The following EPB41 variants were observed in gnomAD, a reference collection of about 807,000 sequenced individuals.
The protein encoded by EPB41 is erythrocyte membrane protein band 4.1.
A neutral mutation model predicts 108.0 loss-of-function variants in EPB41; 65 were observed. That is an observed-to-expected ratio of 0.60 (90% CI 0.49 to 0.74). The LOEUF (loss-of-function observed/expected upper bound fraction) is 0.74, where lower values mean the gene tolerates loss of function less well. Among genes scored for constraint, EPB41 ranks in the 30% least tolerant of loss-of-function variants. The pLI is 0.00. For synonymous variants in EPB41, 336 were observed against 358.9 expected, an observed-to-expected ratio of 0.94 and a Z score of 0.72; for missense variants, 875 against 1,037.0, an observed-to-expected ratio of 0.84 and a Z score of 2.15.
chr1:28,967,810 CTTT>C (rs1278947795), intron 1 of EPB41, among the ~76,000 whole-genome samples: 2 of 121,166 alleles, frequency 1.7e-5, no homozygotes, highest in Non-Finnish European at 1.8e-5. Context: ...TGGGCCTTGT[CTTT>C]TTTTTTTTTT....
At chr1:28,978,603 G>A (rs866029565) in intron 1 of EPB41, among the ~76,000 whole-genome samples, 11 of 151,426 alleles carry the variant, frequency 7.3e-5, no homozygotes, top group Admixed American at 3.3e-4. Flanking sequence ...ATATTCTTTG[G>A]GGTATGTCTG....
chr1:29,033,296 A>C, intron 9 of EPB41, 51 bp downstream of exon 9: 9 of 1,592,750 alleles, frequency 5.7e-6, no homozygotes, highest in Non-Finnish European at 7.7e-6. Flanking sequence ...TCTGTATCTG[A>C]AATATCTACA....
In EPB41 at chr1:29,098,481, C is replaced by T. The variant is rs187942648; in HGVS notation, c.2313+546C>T. On this transcript the variant is annotated intron_variant, in intron 17 of 20. Coordinates refer to ENST00000343067, the MANE Select transcript of EPB41 (RefSeq NM_001376013.1). The stretch of plus-strand genomic sequence containing the variant: ...AAGTGCTGAGATTATAGGCGTGAGC[C>T]ACCACGCCTGGCCTAAATTTTTTTT... Among the ~76,000 whole-genome samples the T allele has an allele frequency of 4.0e-3, 608 of 152,158 alleles. 5 individuals are homozygous for T. The highest frequency in any genetic ancestry group is 0.014 in the African/African-American group (566 of 41,528).
intron 7 of EPB41, among the ~76,000 whole-genome samples, chr1:29,023,516 C>T (rs529060553): frequency 4.1e-4 from 62 of 151,104 alleles, no homozygotes; most frequent in Admixed American, 2.6e-4. Context: ...GGAGAAACCC[C>T]ATCTCTACTA....
In EPB41 at chr1:29,115,029, C is replaced by T. The variant is rs1404578873; in HGVS notation, c.2497-670C>T. ...TGCTGAACACAGATGTTGTTTTGTC[C>T]TTTAGATTCACATCTTGAGTGAATC... On this transcript the variant is annotated intron_variant, in intron 19 of 20. Transcript: ENST00000343067. This position sits in a 1 kb window ranked among gnomAD's most constrained non-coding sequence, Gnocchi z 4.4. Among the ~76,000 whole-genome samples, 2 of 152,040 alleles carry T rather than the reference C, an allele frequency of 1.3e-5. No homozygotes were observed. Among genetic ancestry groups the T allele is most frequent in the African/African-American group, 4.8e-5 (2 of 41,388 alleles).
intron 14 of EPB41, among the ~76,000 whole-genome samples, chr1:29,060,124 C>T (rs2150926440): frequency 6.6e-6 from 1 of 152,216 alleles, no homozygotes; most frequent in Admixed American, 6.5e-5. Context: ...TCAAACAGTT[C>T]AATTTCAAAA....
intron 2 of EPB41, among the ~76,000 whole-genome samples, chr1:28,988,704 A>T (rs975228594): frequency 1.3e-5 from 2 of 152,106 alleles, no homozygotes; most frequent in Non-Finnish European, 2.9e-5. Flanking sequence ...TTGGAAACTT[A>T]CTTTTTAAAC....
At chr1:29,111,152 G>A (rs1386736463) in intron 18 of EPB41, among the ~76,000 whole-genome samples, 1 of 148,900 alleles carries the variant, frequency 6.7e-6, no homozygotes, top group Non-Finnish European at 1.5e-5. Context: ...GAGCAACAGA[G>A]CAAGACTCCA....
chr1:29,111,631 C>A (rs555377403), intron 18 of EPB41, among the ~76,000 whole-genome samples: 1 of 150,954 alleles, frequency 6.6e-6, no homozygotes, highest in Non-Finnish European at 1.5e-5. Context: ...CCAGCCTGGG[C>A]GACAGAGCAA....
chr1:29,106,564 A>AATTTT (rs1233211329), intron 17 of EPB41, among the ~76,000 whole-genome samples: 11 of 50,896 alleles, frequency 2.2e-4, no homozygotes, highest in African/African-American at 4.2e-4. Context: ...AGTAGCTGGG[A>AATTTT]TTTTTTTTTT....
At chr1:28,965,939 G>A (rs962185130) in intron 1 of EPB41, among the ~76,000 whole-genome samples, 1 of 152,066 alleles carries the variant, frequency 6.6e-6, no homozygotes, top group African/African-American at 2.4e-5. Flanking sequence ...CCCCAGCACT[G>A]TGGGAGGCTG....
intron 7 of EPB41, among the ~76,000 whole-genome samples, chr1:29,019,996 A>G (rs1192166798): frequency 6.6e-6 from 1 of 152,168 alleles, no homozygotes; most frequent in African/African-American, 2.4e-5. Context: ...CACTAAATAC[A>G]CCACTTTCAA....
chr1:28,901,226 G>GC (rs1160633812), intron 1 of EPB41, among the ~76,000 whole-genome samples: 17 of 144,620 alleles, frequency 1.2e-4, no homozygotes, highest in East Asian at 4.7e-4. Flanking sequence ...ACTGCACCCG[G>GC]CTATTTATTT....
At chr1:28,944,964 G>A (rs1333123835) in intron 1 of EPB41, among the ~76,000 whole-genome samples, 9 of 151,622 alleles carry the variant, frequency 5.9e-5, no homozygotes, top group East Asian at 1.9e-4. Flanking sequence ...GGTGGTGTGC[G>A]CCTGTAGTTC....
At chr1:28,981,958 A>G (rs1420724687) in intron 1 of EPB41, among the ~76,000 whole-genome samples, 1 of 151,548 alleles carries the variant, frequency 6.6e-6, no homozygotes, top group African/African-American at 2.4e-5. Flanking sequence ...GGTTTGTTAC[A>G]TATGTATACG....
chr1:29,052,966 T>C, intron 11 of EPB41, 138 bp from the exon 12 acceptor site: 1 of 927,290 alleles, frequency 1.1e-6, no homozygotes, highest in South Asian at 1.4e-5. Flanking sequence ...ATTTATTTTT[T>C]ACCCTCTGTG....
chr1:28,971,191 T>TC (rs955899741), intron 1 of EPB41, among the ~76,000 whole-genome samples: 1 of 133,420 alleles, frequency 7.5e-6, no homozygotes, highest in African/African-American at 3.0e-5. Context: ...TTTTTTTTTT[T>TC]TTTTTTTTTT....
At chr1:28,927,797 C>G (rs1310849972) in intron 1 of EPB41, among the ~76,000 whole-genome samples, 2 of 152,090 alleles carry the variant, frequency 1.3e-5, no homozygotes, top group Non-Finnish European at 2.9e-5. Context: ...CCTGGATTTA[C>G]AGTAAGGTTT....
chr1:29,065,377 T>A (rs1647167051), intron 16 of EPB41: 1 of 643,986 alleles, frequency 1.6e-6, no homozygotes, highest in South Asian at 3.5e-5. Flanking sequence ...GAGCCACCAG[T>A]AGATGATTAG....
Sources: gnomAD v4.1 joint callset for allele counts (sites outside exome capture counted in the v4.1 genomes callset) on GRCh38, gnomAD v4.1.1 for gene constraint, Gnocchi (gnomAD v3.1) non-coding constraint, MANE v1.5 for transcripts, NCBI Gene and HGNC (gene_info 2026-07-23, HGNC 2026-07-21) for gene names.